Variants in ZFR observed in about 807,000 individuals in gnomAD.
The protein encoded by ZFR is zinc finger RNA binding protein.
A neutral mutation model predicts 130.7 loss-of-function variants in ZFR; 19 were observed. The observed-to-expected ratio is 0.15, with a 90% CI of 0.10 to 0.21. The LOEUF (loss-of-function observed/expected upper bound fraction) is 0.21, where lower values mean the gene tolerates loss of function less well. ZFR is among the 10% of genes least tolerant of loss of function. ZFR has a pLI of 1.00. For synonymous variants in ZFR, 466 were observed against 456.9 expected (o/e 1.02, Z -0.25); for missense variants, 872 against 1,321.5 (o/e 0.66, Z 5.27).
rs778348929 is a variant in ZFR at position 32,355,679 on chromosome 5, C to A, written c.*81G>T. 35 of 1,264,300 alleles carry A rather than the reference C, an allele frequency of 2.8e-5. No homozygotes were observed. Among genetic ancestry groups the A allele is most frequent in the Middle Eastern group, 2.5e-4 (1 of 3,962 alleles). The allele number at this position is 1,264,300 out of a possible 1,614,324, so 78.3% of individuals were successfully genotyped here. ...TCCTTTAAATTCTTGATAAATTTTT[C>A]AATGTAGACATTATTATGAATGAAA... On this transcript the variant is annotated 3_prime_UTR_variant, in exon 20 of 20. Coordinates refer to ENST00000265069, the MANE Select transcript of ZFR (RefSeq NM_016107.5).
chr5:32,422,688 T>C (rs1296810196), intron 2 of ZFR, among the ~76,000 whole-genome samples: 3 of 148,496 alleles, frequency 2.0e-5, no homozygotes, highest in African/African-American at 7.5e-5. Flanking sequence ...TAGTCCCAGC[T>C]AGTCAGGAGG....
chr5:32,403,474 G>A, intron 7 of ZFR, 77 bp from the exon 8 acceptor site: 1 of 1,500,720 alleles, frequency 6.7e-7, no homozygotes, highest in Non-Finnish European at 8.9e-7. Context: ...ATTATAAAAT[G>A]AAAATCTAAA....
intron 2 of ZFR, among the ~76,000 whole-genome samples, chr5:32,429,313 G>A (rs1165084047): frequency 6.6e-6 from 1 of 152,082 alleles, no homozygotes; most frequent in Non-Finnish European, 1.5e-5. Flanking sequence ...AGGGAGAACT[G>A]TAAGGAAACT....
intron 2 of ZFR, among the ~76,000 whole-genome samples, chr5:32,424,060 T>C (rs1754013836): frequency 6.6e-6 from 1 of 152,126 alleles, no homozygotes; most frequent in Admixed American, 6.5e-5. Context: ...AAACATGGGA[T>C]CCTGCAAACA....
intron 5 of ZFR, among the ~76,000 whole-genome samples, chr5:32,410,961 T>A (rs1449297629): frequency 2.0e-5 from 3 of 152,256 alleles, no homozygotes; most frequent in African/African-American, 7.2e-5. Flanking sequence ...AATGTACAAA[T>A]CTTTACATGT....
intron 19 of ZFR, among the ~76,000 whole-genome samples, chr5:32,357,183 G>A (rs774544833): frequency 7.9e-5 from 12 of 151,886 alleles, no homozygotes; most frequent in Admixed American, 2.6e-4. Context: ...GGGTATTTTC[G>A]CCATGTTGCC....
chr5:32,383,032 C>T (rs1362033438), intron 15 of ZFR, among the ~76,000 whole-genome samples: 2 of 152,160 alleles, frequency 1.3e-5, no homozygotes, highest in Non-Finnish European at 2.9e-5. Flanking sequence ...AGAAGACATG[C>T]TGTGTCCACA....
chr5:32,356,370 C>A (rs1752307633), intron 19 of ZFR, among the ~76,000 whole-genome samples: 2 of 152,070 alleles, frequency 1.3e-5, no homozygotes, highest in East Asian at 3.9e-4. Context: ...AACTTATTTA[C>A]CTAATTTTCT....
intron 10 of ZFR, among the ~76,000 whole-genome samples, chr5:32,396,340 T>G (rs1473410634): frequency 6.6e-6 from 1 of 152,212 alleles, no homozygotes; most frequent in East Asian, 1.9e-4. Context: ...GTTAAAAAGT[T>G]TCTTTACATA....
chr5:32,389,532 T>C (rs1753115355), intron 12 of ZFR, among the ~76,000 whole-genome samples: 2 of 152,174 alleles, frequency 1.3e-5, no homozygotes, highest in African/African-American at 2.4e-5. Context: ...ACATCAGTTG[T>C]TTCTGACAGG....
intron 3 of ZFR, among the ~76,000 whole-genome samples, chr5:32,419,308 G>C (rs1753901855): frequency 6.6e-6 from 1 of 152,064 alleles, no homozygotes; most frequent in Non-Finnish European, 1.5e-5. Context: ...GGGGTGAGAG[G>C]AAGGATTATT....
At chr5:32,424,124 T>C (rs1754015334) in intron 2 of ZFR, among the ~76,000 whole-genome samples, 1 of 151,412 alleles carries the variant, frequency 6.6e-6, no homozygotes, top group Admixed American at 6.6e-5. Context: ...GAGAAGTGAG[T>C]ATAGATTGGA....
Position 32,403,521 on chromosome 5 carries a change from T to A in ZFR, c.1225-124A>T, listed in dbSNP as rs536956220. Reference sequence around the variant, plus strand: ...TTTGTTGTATTTTTTCTGCTATATGTTTTTGTATATACACACATATACAAA... The same window carrying A: ...TTTGTTGTATTTTTTCTGCTATATGATTTTGTATATACACACATATACAAA... On this transcript the variant is annotated intron_variant, in intron 7 of 19. Transcript: ENST00000265069. 5.9e-5 allele frequency: 71 copies of A among 1,193,634 alleles called. No homozygotes were observed. In the African/African-American group the frequency reaches 8.9e-4, roughly 15 times the overall value. 73.9% of individuals were successfully genotyped at this position (1,193,634 alleles called of 1,614,324 possible).
Position 32,419,341 on chromosome 5 carries a change from AT to A in ZFR, c.420+479del, listed in dbSNP as rs796098986. Among the ~76,000 whole-genome samples the A allele has an allele frequency of 2.2e-3, 323 of 148,724 alleles. 1 individual carries two copies. The highest frequency in any genetic ancestry group is 7.3e-3 in the African/African-American group (297 of 40,774). Reference sequence around the variant, plus strand: ...ATTAATACAAAGCTCATTGCAAGGAATTTTTTTTTTTCTTGAGACAGGGTCT... The same window carrying A: ...ATTAATACAAAGCTCATTGCAAGGAATTTTTTTTTTCTTGAGACAGGGTCT... On this transcript the variant is annotated intron_variant, in intron 3 of 19. Transcript: ENST00000265069.
chr5:32,444,717 C>T lies in ZFR; in HGVS notation c.-59G>A, dbSNP rs2111890182. 1 of 1,496,476 alleles carries T rather than the reference C, an allele frequency of 6.7e-7. No individual in the cohort carries two copies. Among genetic ancestry groups the T allele is most frequent in the Non-Finnish European group, 8.9e-7 (1 of 1,122,860 alleles). 92.7% of individuals were successfully genotyped at this position (1,496,476 alleles called of 1,614,324 possible). A position where few individuals can be genotyped will look rare whatever the true frequency, so the allele number is the denominator to read the frequency against. On this transcript the variant is annotated 5_prime_UTR_variant, in exon 1 of 20. Coordinates refer to ENST00000265069, the MANE Select transcript of ZFR (RefSeq NM_016107.5). ...TCACCCGCTGCCTCCCTCCTCTGCCCCGCTCCTCCTCAGCGGAGAACAGAC... is the reference window on the plus strand; with the variant it reads ...TCACCCGCTGCCTCCCTCCTCTGCCTCGCTCCTCCTCAGCGGAGAACAGAC...
At chr5:32,403,535 C>T (rs1581699590) in intron 7 of ZFR, 138 bp from the exon 8 acceptor site, 1 of 1,030,156 alleles carries the variant, frequency 9.7e-7, no homozygotes, top group South Asian at 1.7e-5. Context: ...TGTATATACA[C>T]ACATATACAA....
intron 2 of ZFR, among the ~76,000 whole-genome samples, chr5:32,441,276 C>A (rs973696454): frequency 6.6e-6 from 1 of 152,168 alleles, no homozygotes; most frequent in African/African-American, 2.4e-5. Context: ...CACGCCTGGC[C>A]TCTGGAATTA....
intron 2 of ZFR, among the ~76,000 whole-genome samples, chr5:32,424,561 A>T (rs1386186855): frequency 6.6e-6 from 1 of 152,006 alleles, no homozygotes; most frequent in Non-Finnish European, 1.5e-5. Context: ...AAAAGAAAAA[A>T]GGTAATGAAT....
intron 15 of ZFR, among the ~76,000 whole-genome samples, chr5:32,384,099 A>G (rs185145675): frequency 6.6e-6 from 1 of 152,346 alleles, no homozygotes; most frequent in Non-Finnish European, 1.5e-5. Context: ...TTGATACTGT[A>G]TAAATTTAAT....
Sources: gnomAD v4.1 joint callset for allele counts (sites outside exome capture counted in the v4.1 genomes callset) on GRCh38, gnomAD v4.1.1 for gene constraint, MANE v1.5 for transcripts, NCBI Gene and HGNC (gene_info 2026-07-23, HGNC 2026-07-21) for gene names.